Variants in DNAAF5 observed in about 807,000 individuals in gnomAD.
The protein encoded by DNAAF5 is dynein axonemal assembly factor 5.
Under a neutral mutation model 75.8 loss-of-function variants are expected in DNAAF5, and 64 were observed. The ratio of observed to expected loss-of-function variants is 0.84; its 90% CI spans 0.69 to 1.04. The LOEUF (loss-of-function observed/expected upper bound fraction) is 1.04. Ranked by LOEUF, DNAAF5 falls within the 50% of genes least tolerant of loss-of-function variation. The pLI is 0.00. For missense variants in DNAAF5, 1,269 were observed against 1,178.5 expected, an observed-to-expected ratio of 1.08 and a Z score of -1.12; for synonymous variants, 657 against 557.2, an observed-to-expected ratio of 1.18 and a Z score of -2.52.
intron 12 of DNAAF5, among the ~76,000 whole-genome samples, chr7:784,906 G>A (rs543736839): frequency 1.4e-3 from 207 of 152,282 alleles, no homozygotes; most frequent in African/African-American, 4.5e-3. Context: ...TGCACGTTGT[G>A]ACTGCCGTGC....
At chr7:776,350 A>G (rs1329310987) in intron 11 of DNAAF5, among the ~76,000 whole-genome samples, 2 of 152,172 alleles carry the variant, frequency 1.3e-5, no homozygotes, top group African/African-American at 4.8e-5. Flanking sequence ...AAAAAAGAAA[A>G]TAGAAAATGC....
chr7:769,095 T>G, intron 8 of DNAAF5: 1 of 736,366 alleles, frequency 1.4e-6, no homozygotes, highest in Non-Finnish European at 2.5e-6. Flanking sequence ...TGCGTCTCCG[T>G]GTGGCAAGGG....
chr7:734,382 A>T (rs1334841726), intron 2 of DNAAF5, among the ~76,000 whole-genome samples: 1 of 152,218 alleles, frequency 6.6e-6, no homozygotes, highest in African/African-American at 2.4e-5. Context: ...CATTCTGCCG[A>T]TATGATGTGT....
At chr7:780,938 C>T (rs1778920931) in intron 12 of DNAAF5, among the ~76,000 whole-genome samples, 1 of 147,780 alleles carries the variant, frequency 6.8e-6, no homozygotes, top group Non-Finnish European at 1.5e-5. Context: ...GTATATAAGG[C>T]ATGTGTGATA....
At chr7:770,819 G>T in intron 9 of DNAAF5, 1 of 534,432 alleles carries the variant, frequency 1.9e-6, no homozygotes, top group Non-Finnish European at 3.3e-6. Context: ...CCCACGCCGA[G>T]TCTAAGGTGG....
At chr7:732,322 C>T (rs1239843479) in intron 2 of DNAAF5, among the ~76,000 whole-genome samples, 3 of 152,246 alleles carry the variant, frequency 2.0e-5, no homozygotes, top group African/African-American at 7.2e-5. Context: ...GCAGGCAGGA[C>T]GGACGTATGG....
At chr7:784,735 A>G (rs1024620959) in intron 12 of DNAAF5, among the ~76,000 whole-genome samples, 1 of 152,152 alleles carries the variant, frequency 6.6e-6, no homozygotes, top group Admixed American at 6.5e-5. Flanking sequence ...CGGCAGGTGA[A>G]TTGGCATCCG....
chr7:773,992 GT>G (rs1418889906), intron 9 of DNAAF5, 55 bp from the exon 10 acceptor site: 7 of 1,606,428 alleles, frequency 4.4e-6, no homozygotes, highest in Non-Finnish European at 5.1e-6. Flanking sequence ...AGTCTGAAAC[GT>G]TTCTTCCGAG....
At position 740,923 on chromosome 7, in the gene DNAAF5, C is replaced by A; in HGVS notation, c.885C>A (p.Asn295Lys). Residue 295 changes from asparagine to lysine, a missense_variant, in exon 3 of 13, where the codon AAC (asparagine) becomes AAA (lysine). Transcript: ENST00000297440. The stretch of plus-strand genomic sequence containing the variant: ...TCCCTCTGCTGCTCAGTAGCCTCAA[C>A]GACGAGGTGCCTGAGGTCAGGTACG... The part of the protein sequence containing the change: ...KLIPLLLSSL[N>K]DEVPEVRQLA... 4 of 1,613,642 alleles carry A rather than the reference C, an allele frequency of 2.5e-6. No individual in the cohort carries two copies. The highest frequency in any genetic ancestry group is 3.4e-6 in the Non-Finnish European group (4 of 1,180,042).
chr7:755,125 C>G (rs950040536), intron 5 of DNAAF5, among the ~76,000 whole-genome samples: 2 of 152,174 alleles, frequency 1.3e-5, no homozygotes, highest in Non-Finnish European at 2.9e-5. Context: ...AGACAGGGCC[C>G]GGGCTGCTGA....
intron 4 of DNAAF5, among the ~76,000 whole-genome samples, chr7:747,579 T>G (rs1234634283): frequency 5.1e-5 from 7 of 137,364 alleles, no homozygotes; most frequent in African/African-American, 8.4e-5. Context: ...GTGTGCAGTG[T>G]TGTCACACAG....
At chr7:736,933 T>G (rs774795187) in intron 2 of DNAAF5, among the ~76,000 whole-genome samples, 2 of 152,136 alleles carry the variant, frequency 1.3e-5, no homozygotes, top group Non-Finnish European at 2.9e-5. Flanking sequence ...TTTAAACTGA[T>G]AGCTGAACAC....
At chr7:734,477 G>A (rs573537561) in intron 2 of DNAAF5, among the ~76,000 whole-genome samples, 2 of 152,306 alleles carry the variant, frequency 1.3e-5, no homozygotes, top group East Asian at 3.9e-4. Context: ...TCTTTCTCAT[G>A]TGCTGTTGAA....
intron 2 of DNAAF5, among the ~76,000 whole-genome samples, chr7:739,438 G>C (rs937953601): frequency 6.6e-6 from 1 of 152,354 alleles, no homozygotes; most frequent in Admixed American, 6.5e-5. Flanking sequence ...TCTCTAGCCA[G>C]GTGGTGGAAT....
intron 8 of DNAAF5, 36 bp downstream of exon 8, chr7:764,010 C>A: frequency 6.3e-7 from 1 of 1,595,040 alleles, no homozygotes; most frequent in Non-Finnish European, 8.5e-7. Flanking sequence ...CCGTGCCTGG[C>A]CCCACTCAGG....
chr7:733,354 A>G (rs1781641589), intron 2 of DNAAF5, among the ~76,000 whole-genome samples: 1 of 152,094 alleles, frequency 6.6e-6, no homozygotes, highest in Non-Finnish European at 1.5e-5. Flanking sequence ...TGGTATTTTG[A>G]TAGGGATTGC....
chr7:780,219 G>A lies in DNAAF5; in HGVS notation c.2431+75G>A, dbSNP rs898756674. 4.4e-5 allele frequency: 63 copies of A among 1,419,578 alleles called. No homozygotes were observed. The Middle Eastern group carries it at 1.3e-3, about 30-fold the overall frequency. 87.9% of individuals were successfully genotyped at this position (1,419,578 alleles called of 1,614,324 possible). The stretch of plus-strand genomic sequence containing the variant: ...TGCCACGGGCATCTGTAGCTGAGCC[G>A]TGTGACCGGCCACAGGGCCCTGGGG... On this transcript the variant is annotated intron_variant, in intron 12 of 12. Coordinates refer to ENST00000297440, the MANE Select transcript of DNAAF5 (RefSeq NM_017802.4).
Position 780,122 on chromosome 7 carries a change from G to C in DNAAF5, c.2409G>C (p.Arg803Ser), listed in dbSNP as rs1412196252. 1 of 1,613,916 alleles carries C rather than the reference G, an allele frequency of 6.2e-7. No homozygotes were observed. Among genetic ancestry groups the C allele is most frequent in the African/African-American group, 1.3e-5 (1 of 74,914 alleles). Reference protein sequence around the residue: ...ELLVHLDDPERAIQDAILEVL... With the variant: ...ELLVHLDDPESAIQDAILEVL... Reference sequence around the variant, plus strand: ...TGGTTCACCTTGACGATCCAGAGAGGGCCATCCAGGATGCAATTTTAGGTG... The same window carrying C: ...TGGTTCACCTTGACGATCCAGAGAGCGCCATCCAGGATGCAATTTTAGGTG... The change falls in exon 12 of 13, where the codon AGG becomes AGC. Residue 803 changes from arginine (R) to serine (S), a missense_variant. By Grantham distance (110) the Arg-to-Ser change is moderately radical (BLOSUM62 -1). Coordinates refer to ENST00000297440, the MANE Select transcript of DNAAF5 (RefSeq NM_017802.4).
intron 12 of DNAAF5, among the ~76,000 whole-genome samples, chr7:782,859 C>T (rs1779018738): frequency 6.6e-6 from 1 of 152,122 alleles, no homozygotes. Context: ...CTCGGACCTT[C>T]CTGGCGTGGC....
Sources: gnomAD v4.1 joint callset for allele counts (sites outside exome capture counted in the v4.1 genomes callset) on GRCh38, gnomAD v4.1.1 for gene constraint, MANE v1.5 for transcripts, NCBI Gene and HGNC (gene_info 2026-07-23, HGNC 2026-07-21) for gene names.